Variants in KAZN observed in about 807,000 individuals in gnomAD.
KAZN encodes kazrin, periplakin interacting protein.
A neutral mutation model predicts 87.4 loss-of-function variants in KAZN; 40 were observed. That is an observed-to-expected ratio of 0.46 (90% CI 0.36 to 0.60). The LOEUF (loss-of-function observed/expected upper bound fraction) is 0.60, where lower values mean the gene tolerates loss of function less well. Among genes scored for constraint, KAZN ranks in the 20% least tolerant of loss-of-function variants. KAZN has a pLI of 0.00. For synonymous variants in KAZN, 466 were observed against 458.3 expected, an observed-to-expected ratio of 1.02 and a Z score of -0.22; for missense variants, 898 against 1,073.9, an observed-to-expected ratio of 0.84 and a Z score of 2.29.
chr1:14,176,929 G>T (rs759762558), intron 1 of KAZN, among the ~76,000 whole-genome samples: 13 of 152,156 alleles, frequency 8.5e-5, no homozygotes, highest in Admixed American at 4.6e-4. Flanking sequence ...GGAGGCCAAG[G>T]CGGGTGGATC....
chr1:14,901,807 C>T (rs1348148882), intron 1 of KAZN, among the ~76,000 whole-genome samples: 2 of 152,220 alleles, frequency 1.3e-5, no homozygotes, highest in Admixed American at 6.5e-5. Flanking sequence ...AGCTGCCTCT[C>T]TCTGGGGCGG....
chr1:14,659,111 A>G (rs1287649671), intron 1 of KAZN, among the ~76,000 whole-genome samples: 2 of 152,112 alleles, frequency 1.3e-5, no homozygotes, highest in Non-Finnish European at 2.9e-5. Context: ...GGCGGTGCAC[A>G]TCTGTGATCC....
intron 1 of KAZN, among the ~76,000 whole-genome samples, chr1:14,887,018 C>T (rs1369467730): frequency 6.6e-6 from 1 of 152,150 alleles, no homozygotes; most frequent in Admixed American, 6.5e-5. Flanking sequence ...TCCATCCCCC[C>T]ACCTACCCCC....
At chr1:14,003,732 A>G (rs1402607504) in intron 1 of KAZN, among the ~76,000 whole-genome samples, 1 of 152,230 alleles carries the variant, frequency 6.6e-6, no homozygotes, top group Non-Finnish European at 1.5e-5. Flanking sequence ...AAGCAAGCAA[A>G]AACAAAACAG....
chr1:14,967,512 G>A (rs1162227371), intron 2 of KAZN, among the ~76,000 whole-genome samples: 1 of 152,204 alleles, frequency 6.6e-6, no homozygotes, highest in African/African-American at 2.4e-5. Context: ...ACTTGTGAAT[G>A]AGTTAGGTCA....
chr1:14,365,312 G>A (rs1027117925), intron 2 of KAZN, among the ~76,000 whole-genome samples: 4 of 150,920 alleles, frequency 2.7e-5, no homozygotes, highest in Non-Finnish European at 5.9e-5. Context: ...CTCCTAAAGT[G>A]CTGGGATTAC....
chr1:15,055,973 G>A lies in KAZN; in HGVS notation c.727-118G>A, dbSNP rs527624683. The stretch of plus-strand genomic sequence containing the variant: ...CCAATTGACGCTCGATGCCGAGCCA[G>A]CAATACCCGGTGCAGAGGATCCGGG... On this transcript the variant is annotated intron_variant, in intron 4 of 14. Coordinates refer to ENST00000376030, the MANE Select transcript of KAZN (RefSeq NM_201628.3). 1.2e-4 allele frequency: 121 copies of A among 974,814 alleles called. No individual in the cohort carries two copies. In the African/African-American group the frequency reaches 1.9e-3, roughly 15 times the overall value. 60.4% of individuals were successfully genotyped at this position (974,814 alleles called of 1,614,324 possible).
At chr1:14,653,458 C>G (rs1638576764) in intron 1 of KAZN, among the ~76,000 whole-genome samples, 1 of 152,230 alleles carries the variant, frequency 6.6e-6, no homozygotes, top group Non-Finnish European at 1.5e-5. Flanking sequence ...CCCCAGTCAG[C>G]TGGCTCCATC....
chr1:14,520,142 T>C (rs929331111), intron 2 of KAZN, among the ~76,000 whole-genome samples: 5 of 152,132 alleles, frequency 3.3e-5, no homozygotes, highest in African/African-American at 9.7e-5. Flanking sequence ...GTATGGCTCA[T>C]GGATGACACA....
intron 2 of KAZN, among the ~76,000 whole-genome samples, chr1:14,499,691 G>C (rs1328429248): frequency 1.3e-5 from 2 of 152,186 alleles, no homozygotes; most frequent in Non-Finnish European, 2.9e-5. Context: ...CTGAGCTCCT[G>C]ATGAGTTACA....
At chr1:15,060,519 T>G (rs1573222423) in intron 6 of KAZN, 1 of 634,730 alleles carries the variant, frequency 1.6e-6, no homozygotes, top group South Asian at 2.0e-5. Context: ...TCCGGGAGGG[T>G]GAGGAGAATC....
intron 1 of KAZN, among the ~76,000 whole-genome samples, chr1:14,768,710 C>T (rs1299703516): frequency 6.6e-6 from 1 of 152,190 alleles, no homozygotes; most frequent in Non-Finnish European, 1.5e-5. Flanking sequence ...AATACCAACT[C>T]CAATGCCCAT....
chr1:14,706,399 C>G (rs186592012), intron 1 of KAZN, among the ~76,000 whole-genome samples: 1 of 151,782 alleles, frequency 6.6e-6, no homozygotes, highest in African/African-American at 2.4e-5. Flanking sequence ...CGTTGGGGAC[C>G]GCTGTTCTGC....
Position 13,918,017 on chromosome 1 carries a change from T to C in KAZN, c.91+24261T>C, listed in dbSNP as rs953809145. Among the ~76,000 whole-genome samples the C allele has an allele frequency of 2.0e-5, 3 of 152,188 alleles. No homozygotes were observed. In the East Asian group the frequency reaches 5.8e-4, roughly 29 times the overall value. ...GGTCATCCAAGAGCTCTGATGAAGA[T>C]GTACAGGGAGATTAATGTTGTTTTC... On this transcript the variant is annotated intron_variant, in intron 1 of 16. Coordinates refer to the KAZN transcript ENST00000636203.
At chr1:14,988,370 G>A (rs1667033849) in intron 2 of KAZN, among the ~76,000 whole-genome samples, 1 of 152,210 alleles carries the variant, frequency 6.6e-6, no homozygotes, top group Non-Finnish European at 1.5e-5. Flanking sequence ...GGGCATCTCT[G>A]TTTTCTCTCC....
In KAZN at chr1:14,008,459, T is replaced by C. The variant is rs114072055; in HGVS notation, c.91+114703T>C. On this transcript the variant is annotated intron_variant, in intron 1 of 16. Transcript: ENST00000636203. The stretch of plus-strand genomic sequence containing the variant: ...TGGATTTCAAGACATGGATTATCTG[T>C]TCATTTGTTAATTAATTTGTTCAAA... Among the ~76,000 whole-genome samples, 1,243 of 152,348 alleles carry C rather than the reference T, an allele frequency of 8.2e-3. 23 individuals are homozygous for C. The highest frequency in any genetic ancestry group is 0.029 in the African/African-American group (1,199 of 41,578).
chr1:14,140,316 G>A (rs536175129), intron 1 of KAZN, among the ~76,000 whole-genome samples: 1 of 152,146 alleles, frequency 6.6e-6, no homozygotes, highest in Admixed American at 6.5e-5. Context: ...ATGGCTATGA[G>A]GATTAAATGA....
intron 1 of KAZN, among the ~76,000 whole-genome samples, chr1:13,986,670 G>C (rs1049927120): frequency 6.6e-6 from 1 of 152,184 alleles, no homozygotes; most frequent in African/African-American, 2.4e-5. Flanking sequence ...AAAAGGAAAA[G>C]GAATGTATTG....
chr1:14,379,361 G>C (rs1227191735), intron 2 of KAZN, among the ~76,000 whole-genome samples: 2 of 151,968 alleles, frequency 1.3e-5, no homozygotes, highest in Non-Finnish European at 2.9e-5. Flanking sequence ...GAAAAGTAGG[G>C]GGAAAAGTAA....
Sources: allele counts gnomAD v4.1 joint callset (sites outside exome capture counted in the v4.1 genomes callset), GRCh38; gene constraint gnomAD v4.1.1; transcripts MANE v1.5; gene names NCBI Gene and HGNC (gene_info 2026-07-23, HGNC 2026-07-21).